Variants in LAMB3 observed in about 807,000 individuals in gnomAD.
The protein encoded by LAMB3 is laminin subunit beta 3.
Under a neutral mutation model 140.3 loss-of-function variants are expected in LAMB3, and 104 were observed. The ratio of observed to expected loss-of-function variants is 0.74; its 90% CI spans 0.63 to 0.87. The LOEUF (loss-of-function observed/expected upper bound fraction) is 0.87, where lower values mean the gene tolerates loss of function less well. Ranked by LOEUF, LAMB3 falls within the 40% of genes least tolerant of loss-of-function variation. The pLI is 0.00. For missense variants in LAMB3, 1,531 were observed against 1,575.2 expected, an observed-to-expected ratio of 0.97 and a Z score of 0.47; for synonymous variants, 592 against 602.9, an observed-to-expected ratio of 0.98 and a Z score of 0.26.
intron 3 of LAMB3, among the ~76,000 whole-genome samples, chr1:209,639,862 G>T (rs2076451157): frequency 1.3e-5 from 2 of 152,136 alleles, no homozygotes; most frequent in African/African-American, 2.4e-5. Context: ...GGTCCTTCTG[G>T]GTAGGGAAAA....
rs2102432844 is a variant in LAMB3, at chr1:209,631,767, A to C, written c.822+816T>G. ...TCTCATGGGCCCTGACAGATGACAC[A>C]CTCCCTGAGCTGGCCTCCCTCTGTA... On this transcript the variant is annotated intron_variant, in intron 8 of 22. Transcript: ENST00000356082. Among the ~76,000 whole-genome samples the C allele has an allele frequency of 1.3e-5, 2 of 152,006 alleles. 1 individual carries two copies. Among genetic ancestry groups the C allele is most frequent in the Non-Finnish European group, 2.9e-5 (2 of 67,984 alleles).
chr1:209,634,783 C>A, intron 5 of LAMB3, 145 bp from the exon 6 acceptor site: 1 of 661,144 alleles, frequency 1.5e-6, no homozygotes, highest in Non-Finnish European at 2.6e-6. Flanking sequence ...CGGGTCCAAA[C>A]CTCCTGGCAT....
intron 3 of LAMB3, among the ~76,000 whole-genome samples, chr1:209,646,951 G>A (rs2076523999): frequency 6.6e-6 from 1 of 152,212 alleles, no homozygotes; most frequent in Non-Finnish European, 1.5e-5. Flanking sequence ...ATAGTGCAGT[G>A]AGTTTTCCTA....
Position 209,624,000 on chromosome 1 carries a change from C to T in LAMB3, c.1977G>A (p.Arg659=). 6.2e-7 allele frequency: 1 copy of T among 1,612,568 alleles called. No homozygotes were observed. Among genetic ancestry groups the T allele is most frequent in the Non-Finnish European group, 8.5e-7 (1 of 1,179,844 alleles). The part of the protein sequence containing the change: ...AQVASAILSL[R]RTLQGLQLDL... ...CCAGCTGCAGGCCCTGGAGAGTTCG[C>T]CTGAGAAGGGAGAGGAGCTTACACT... Residue 659 remains arginine, a splice_region_variant and synonymous_variant, in exon 15 of 23, where the codon AGG becomes AGA. Transcript: ENST00000356082. This position sits in a 1 kb window ranked among gnomAD's most constrained non-coding sequence, Gnocchi z 4.2.
At chr1:209,643,696 A>C (rs2076491001) in intron 3 of LAMB3, among the ~76,000 whole-genome samples, 3 of 152,178 alleles carry the variant, frequency 2.0e-5, no homozygotes, top group Non-Finnish European at 4.4e-5. Context: ...GAATAGGAAA[A>C]CAGGCTCTGA....
intron 3 of LAMB3, among the ~76,000 whole-genome samples, chr1:209,643,248 C>T (rs1339637909): frequency 1.3e-5 from 2 of 152,244 alleles, no homozygotes; most frequent in African/African-American, 2.4e-5. Flanking sequence ...AGGGTGCACA[C>T]ATTTGTAAGC....
At chr1:209,625,541 C>G in intron 14 of LAMB3, 107 bp downstream of exon 14, 1 of 1,410,134 alleles carries the variant, frequency 7.1e-7, no homozygotes, top group Non-Finnish European at 1.0e-6. Context: ...GTGAAAATGC[C>G]TTTAAACTGT....
Position 209,617,431 on chromosome 1 carries a change from C to A in LAMB3, c.3207G>T (p.Glu1069Asp), listed in dbSNP as rs770161500. ...QAQQLAEGAS[E>D]QALSAQEGFE... ...GTACCTCTTGGGCACTCAATGCCTG[C>A]TCGCTGGCACCTTCCGCAAGCTGCT... The change falls in exon 21 of 23, where the codon GAG (glutamate) becomes GAT (aspartate). Residue 1069 changes from glutamate to aspartate, a missense_variant. By Grantham distance (45) the Glu-to-Asp change is conservative (BLOSUM62 2). Coordinates refer to ENST00000356082, the MANE Select transcript of LAMB3 (RefSeq NM_000228.3). 6.2e-7 allele frequency: 1 copy of A among 1,612,750 alleles called. No homozygotes were observed. The highest frequency in any genetic ancestry group is 1.3e-5 in the African/African-American group (1 of 74,912).
chr1:209,639,146 G>A (rs1305038747), intron 3 of LAMB3, among the ~76,000 whole-genome samples: 1 of 152,208 alleles, frequency 6.6e-6, no homozygotes, highest in Non-Finnish European at 1.5e-5. Context: ...GAAATGTGGA[G>A]TTACAGTCCT....
intron 7 of LAMB3, 31 bp downstream of exon 7, chr1:209,633,038 GT>G: frequency 6.6e-7 from 1 of 1,511,510 alleles, no homozygotes; most frequent in Non-Finnish European, 9.2e-7. Context: ...CCCACCCATA[GT>G]TCCATGGACA....
intron 6 of LAMB3, 150 bp from the exon 7 acceptor site, chr1:209,633,283 C>T (rs1322357753): frequency 4.2e-6 from 3 of 714,214 alleles, no homozygotes; most frequent in Non-Finnish European, 7.7e-6. Flanking sequence ...GGCTTGTCAT[C>T]TGCTGTGGGG....
chr1:209,650,153 GA>G (rs1338826769), intron 2 of LAMB3, 35 bp from the exon 3 acceptor site: 7 of 1,593,604 alleles, frequency 4.4e-6, no homozygotes, highest in Admixed American at 3.5e-5. Flanking sequence ...GAGCAGTCCA[GA>G]AAAAAAGGGA....
At chr1:209,649,840 C>A in intron 3 of LAMB3, 124 bp downstream of exon 3, 1 of 1,098,344 alleles carries the variant, frequency 9.1e-7, no homozygotes, top group East Asian at 2.5e-5. Context: ...TACTGCACTC[C>A]CCAGTCCGTG....
chr1:209,650,964 C>T lies in LAMB3; in HGVS notation c.-20G>A. ...TCTCATCTTCAGCCAATGGGGTGAT[C>T]CCCAGAAAGGACCTTTCCTAGGACA... On this transcript the variant is annotated 5_prime_UTR_variant, in exon 2 of 23. Coordinates refer to ENST00000356082, the MANE Select transcript of LAMB3 (RefSeq NM_000228.3). 1 of 1,613,966 alleles carries T rather than the reference C, an allele frequency of 6.2e-7. No individual in the cohort carries two copies.
rs778923534 is a variant in LAMB3, at chr1:209,615,376, C to T, written c.3414G>A (p.Gln1138=). ...DMELELLRGS[Q]AIMLRSADLT... is the part of the protein sequence containing the mutation. Reference sequence around the variant, plus strand: ...GGTCCGCTGAGCGCAGCATGATGGCCTGGCTGCCCCGCAGCAGCTCCAACT... The same window carrying T: ...GGTCCGCTGAGCGCAGCATGATGGCTTGGCTGCCCCGCAGCAGCTCCAACT... Residue 1138 remains glutamine, a synonymous_variant, in exon 23 of 23, where the codon CAG becomes CAA. Coordinates refer to ENST00000356082, the MANE Select transcript of LAMB3 (RefSeq NM_000228.3). 1.2e-5 allele frequency: 19 copies of T among 1,610,100 alleles called. No homozygotes were observed. Among genetic ancestry groups the T allele is most frequent in the Non-Finnish European group, 1.4e-5 (17 of 1,177,396 alleles).
rs1211991109 is a variant in LAMB3 at position 209,634,773 on chromosome 1, C to T, written c.373-135G>A. 12 of 696,644 alleles carry T rather than the reference C, an allele frequency of 1.7e-5. No individual in the cohort carries two copies. The African/African-American group carries it at 1.8e-4, about 10-fold the overall frequency. The allele number at this position is 696,644 out of a possible 1,614,324, so 43.2% of individuals were successfully genotyped here. On this transcript the variant is annotated intron_variant, in intron 5 of 22. Coordinates refer to ENST00000356082, the MANE Select transcript of LAMB3 (RefSeq NM_000228.3). ...TGGGAGCAAGTGGGCTCGGAGCATC[C>T]GGGTCCAAACCTCCTGGCATACCAC...
Position 209,638,571 on chromosome 1 carries a change from T to G in LAMB3, c.261A>C (p.Ser87=). 6.2e-7 allele frequency: 1 copy of G among 1,614,054 alleles called. No homozygotes were observed. The highest frequency in any genetic ancestry group is 8.5e-7 in the Non-Finnish European group (1 of 1,179,896). The stretch of plus-strand genomic sequence containing the variant: ...GCCACCAGCGCATGGGGCCGGAGGA[T>G]GAAGCCACATTCTCTACTCGGTGAC... ...YYSHRVENVA[S]SSGPMRWWQS... is the part of the protein sequence containing the mutation. Residue 87 remains serine (S), a synonymous_variant, in exon 4 of 23, where the codon TCA becomes TCC. Coordinates refer to ENST00000356082, the MANE Select transcript of LAMB3 (RefSeq NM_000228.3).
chr1:209,615,390 G>C lies in LAMB3; in HGVS notation c.3400C>G (p.Leu1134Val), dbSNP rs1415653024. The stretch of plus-strand genomic sequence containing the variant: ...AGCATGATGGCCTGGCTGCCCCGCA[G>C]CAGCTCCAACTCCATGTCTGAGGCA... ...DRMKDMELEL[L>V]RGSQAIMLRS... The change falls in exon 23 of 23, where the codon CTG becomes GTG. Residue 1134 changes from leucine (L) to valine (V), a missense_variant. Leu to Val is a conservative substitution (Grantham distance 32). Transcript: ENST00000356082. The C allele has an allele frequency of 1.9e-6, 3 of 1,606,478 alleles. No individual in the cohort carries two copies. Among genetic ancestry groups the C allele is most frequent in the Non-Finnish European group, 2.6e-6 (3 of 1,175,128 alleles).
At position 209,650,993 on chromosome 1, in the gene LAMB3, C is replaced by A. The variant is rs1306549533; in HGVS notation, c.-37-12G>T. 1 of 1,575,750 alleles carries A rather than the reference C, an allele frequency of 6.3e-7. No homozygotes were observed. The highest frequency in any genetic ancestry group is 8.7e-7 in the Non-Finnish European group (1 of 1,145,004). On this transcript the variant is annotated splice_polypyrimidine_tract_variant and intron_variant, in intron 1 of 22. Transcript: ENST00000356082. ...AGAAAGGACCTTTCCTAGGACACAG[C>A]AAAGCAAACTGGGTACAACAGTGCA...
Sources: gnomAD v4.1 joint callset for allele counts (sites outside exome capture counted in the v4.1 genomes callset) on GRCh38, gnomAD v4.1.1 for gene constraint, Gnocchi (gnomAD v3.1) non-coding constraint, MANE v1.5 for transcripts, NCBI Gene and HGNC (gene_info 2026-07-23, HGNC 2026-07-21) for gene names.